ETV3: variants seen among roughly 807,000 people sequenced by gnomAD.
ETV3 encodes the protein ETS variant transcription factor 3, also known as ETS translocation variant 3.
In ETV3, 8 loss-of-function variants were observed where a neutral mutation model predicts 33.0. That is an observed-to-expected ratio of 0.24 (90% CI 0.14 to 0.44). The LOEUF (loss-of-function observed/expected upper bound fraction) is 0.44, where lower values mean the gene tolerates loss of function less well. Among genes scored for constraint, ETV3 ranks in the 20% least tolerant of loss-of-function variants. The pLI, the probability that ETV3 is intolerant of heterozygous loss-of-function variation, is 1.00. For missense variants in ETV3, 473 were observed against 652.3 expected, an observed-to-expected ratio of 0.73 and a Z score of 2.99; for synonymous variants, 222 against 238.9, an observed-to-expected ratio of 0.93 and a Z score of 0.65.
intron 3 of ETV3, among the ~76,000 whole-genome samples, chr1:157,134,592 G>A (rs1252296558): frequency 6.6e-6 from 1 of 152,164 alleles, no homozygotes; most frequent in Non-Finnish European, 1.5e-5. Context: ...TTTTGGTCTT[G>A]CCCAGGTGGG....
rs756568722 is a variant in ETV3, at chr1:157,125,596, G to C, written c.784C>G (p.Pro262Ala). 4.5e-6 allele frequency: 7 copies of C among 1,551,790 alleles called. No individual in the cohort carries two copies. The highest frequency in any genetic ancestry group is 6.1e-6 in the Non-Finnish European group (7 of 1,147,012). Residue 262 changes from proline (P) to alanine (A), a missense_variant, in exon 5 of 5, where the codon CCC (proline) becomes GCC (alanine). Around this residue, in one of 3 missense-constraint regions of ETV3, gnomAD observed 410 missense variants for 520.2 expected, o/e 0.79. Coordinates refer to ENST00000368192, the MANE Select transcript of ETV3 (RefSeq NM_001145312.3). The surrounding 1 kb of genome is among the most constrained non-coding windows in gnomAD (Gnocchi z 4.0). The part of the protein sequence containing the change: ...IPGRGGVLNV[P>A]ISPALSLTPT... ...GTCAGGGAGAGGGCTGGTGAAATGG[G>C]GACATTAAGGACACCTCCGCGGCCA...
chr1:157,134,245 C>T lies in ETV3; in HGVS notation c.285-18G>A, dbSNP rs1287446987. On this transcript the variant is annotated intron_variant, in intron 3 of 4. Coordinates refer to ENST00000368192, the MANE Select transcript of ETV3 (RefSeq NM_001145312.3). ...AATAGTATCTGTAAAAACAGGAATA[C>T]ATGTCCATTCGTCTTGTAGCTACTG... The T allele has an allele frequency of 6.2e-7, 1 of 1,608,854 alleles. No individual in the cohort carries two copies. Among genetic ancestry groups the T allele is most frequent in the Middle Eastern group, 1.7e-4 (1 of 6,022 alleles).
chr1:157,136,092 G>A (rs1207596075), intron 2 of ETV3, among the ~76,000 whole-genome samples: 1 of 152,198 alleles, frequency 6.6e-6, no homozygotes, highest in Non-Finnish European at 1.5e-5. Flanking sequence ...GTCTCTGACA[G>A]CAAAGAGACT....
At chr1:157,129,546 A>T (rs1674921974) in intron 4 of ETV3, among the ~76,000 whole-genome samples, 2 of 152,258 alleles carry the variant, frequency 1.3e-5, no homozygotes, top group African/African-American at 4.8e-5. Context: ...ACAAAATCAC[A>T]GACTGGAAAA....
At chr1:157,128,541 G>A (rs573867454) in intron 4 of ETV3, 2 of 260,732 alleles carry the variant, frequency 7.7e-6, no homozygotes, top group South Asian at 5.3e-5. Context: ...CATTACCTGG[G>A]GAGAGGATAC....
chr1:157,136,195 C>T, intron 2 of ETV3, 112 bp downstream of exon 2: 1 of 1,047,092 alleles, frequency 9.6e-7, no homozygotes, highest in South Asian at 1.3e-5. Context: ...ATCCACCTAG[C>T]CAAGAGAGTG....
rs1462814117 is a variant in ETV3, at chr1:157,124,759, C to A, written c.*82G>T. ...AATGATCAAACCAGTTTAACTCCCTCCCCCCCACCCTGAAATCTTGCTACA... is the reference window on the plus strand; with the variant it reads ...AATGATCAAACCAGTTTAACTCCCTACCCCCCACCCTGAAATCTTGCTACA... On this transcript the variant is annotated 3_prime_UTR_variant, in exon 5 of 5. Transcript: ENST00000368192. The A allele has an allele frequency of 4.8e-6, 1 of 209,926 alleles. No homozygotes were observed. The highest frequency in any genetic ancestry group is 1.0e-5 in the Non-Finnish European group (1 of 99,334). The allele number at this position is 209,926 out of a possible 1,614,324, so 13.0% of individuals were successfully genotyped here.
At chr1:157,129,664 T>G (rs953224461) in intron 4 of ETV3, among the ~76,000 whole-genome samples, 15 of 152,220 alleles carry the variant, frequency 9.9e-5, no homozygotes, top group African/African-American at 3.6e-4. Context: ...ATTCTTCTAC[T>G]AGCTTATTAC....
intron 4 of ETV3, among the ~76,000 whole-genome samples, chr1:157,129,241 G>A (rs993858679): frequency 1.3e-5 from 2 of 152,214 alleles, no homozygotes; most frequent in Non-Finnish European, 2.9e-5. Context: ...GTGGGTTTAT[G>A]TGTAATATCA....
chr1:157,121,455 C>A lies in ETV3; in HGVS notation c.*3386G>T, dbSNP rs1674709630. On this transcript the variant is annotated 3_prime_UTR_variant, in exon 5 of 5. Coordinates refer to ENST00000368192, the MANE Select transcript of ETV3 (RefSeq NM_001145312.3). ...ATATACACACTTTACTCTGCTCAAG[C>A]AGGTAACTAGTGAAGTCACCTTTCA... is the stretch of plus-strand genomic sequence containing the variant. The A allele has an allele frequency of 6.6e-6, 1 of 152,182 alleles. No individual in the cohort carries two copies. Among genetic ancestry groups the A allele is most frequent in the South Asian group, 2.1e-4 (1 of 4,836 alleles). 9.4% of individuals were successfully genotyped at this position (152,182 alleles called of 1,614,324 possible).
At chr1:157,134,361 T>G in intron 3 of ETV3, 134 bp from the exon 4 acceptor site, 1 of 1,193,398 alleles carries the variant, frequency 8.4e-7, no homozygotes, top group Non-Finnish European at 1.1e-6. Flanking sequence ...TTTCGCAGCC[T>G]GGCCCTCCAG....
At chr1:157,131,313 G>A (rs1327703557) in intron 4 of ETV3, among the ~76,000 whole-genome samples, 2 of 152,178 alleles carry the variant, frequency 1.3e-5, no homozygotes, top group Non-Finnish European at 2.9e-5. Flanking sequence ...TATACAGGAT[G>A]CTTTTCATGA....
In ETV3 at chr1:157,124,874, G is replaced by A; in HGVS notation, c.1506C>T (p.Pro502=). 1 of 1,549,178 alleles carries A rather than the reference G, an allele frequency of 6.5e-7. No individual in the cohort carries two copies. Among genetic ancestry groups the A allele is most frequent in the Non-Finnish European group, 8.7e-7 (1 of 1,145,968 alleles). Residue 502 remains proline, a synonymous_variant, in exon 5 of 5, where the codon CCC becomes CCT. Transcript: ENST00000368192. The part of the protein sequence containing the change: ...SGKFLWNGSG[P]QGLATAAADA ...CAGCAGCTGCTGTTGCCAAGCCCTG[G>A]GGTCCTGACCCATTCCAGAGAAACT...
Position 157,128,208 on chromosome 1 carries a change from A to G in ETV3, c.401-2229T>C, listed in dbSNP as rs528319285. 8.5e-4 allele frequency among the ~76,000 whole-genome samples: 129 copies of G among 151,978 alleles called. No individual in the cohort carries two copies. The Middle Eastern group carries it at 0.017, about 20-fold the overall frequency. ...GCTTTCTGGGTGCATGGGACTGAGT[A>G]ACACTATGCCAGAGCCTCATTTCCC... On this transcript the variant is annotated intron_variant, in intron 4 of 4. Coordinates refer to ENST00000368192, the MANE Select transcript of ETV3 (RefSeq NM_001145312.3).
rs1022227909 is a variant in ETV3 at position 157,135,031 on chromosome 1, T to C, written c.284+440A>G. ...TGAGCTCACAGACACAGTTCCGGAA[T>C]AGATAGGTCAGTATCACTGAATCTT... On this transcript the variant is annotated intron_variant, in intron 3 of 4. Coordinates refer to ENST00000368192, the MANE Select transcript of ETV3 (RefSeq NM_001145312.3). The C allele has an allele frequency of 1.9e-4, 37 of 193,762 alleles. 2 individuals are homozygous for C. Among genetic ancestry groups the C allele is most frequent in the Middle Eastern group, 4.2e-3 (2 of 478 alleles). The allele number at this position is 193,762 out of a possible 1,614,324, so 12.0% of individuals were successfully genotyped here.
intron 3 of ETV3, chr1:157,135,021 A>T (rs1675064328): frequency 5.4e-6 from 1 of 183,806 alleles, no homozygotes; most frequent in Admixed American, 5.3e-5. Context: ...TCACAGACAC[A>T]GTTCCGGAAT....
rs925045076 is a variant in ETV3 at position 157,125,291 on chromosome 1, C to T, written c.1089G>A (p.Glu363=). The T allele has an allele frequency of 3.2e-6, 5 of 1,551,944 alleles. No individual in the cohort carries two copies. The African/African-American group carries it at 5.5e-5, about 17-fold the overall frequency. The change falls in exon 5 of 5, where the codon GAG becomes GAA. Residue 363 remains glutamate, a synonymous_variant. Coordinates refer to ENST00000368192, the MANE Select transcript of ETV3 (RefSeq NM_001145312.3). The surrounding 1 kb of genome is among the most constrained non-coding windows in gnomAD (Gnocchi z 4.0). The part of the protein sequence containing the change: ...RKNRERVESS[E]ESAPVTTPTM... ...TGGGCGTGGTGACTGGTGCTGACTC[C>T]TCGCTGCTCTCAACCCTCTCCCGGT... is the stretch of plus-strand genomic sequence containing the variant.
At chr1:157,134,754 C>T (rs541193855) in intron 3 of ETV3, among the ~76,000 whole-genome samples, 15 of 152,204 alleles carry the variant, frequency 9.9e-5, no homozygotes, top group Admixed American at 2.6e-4. Flanking sequence ...CCCGCCTCAC[C>T]TTCAAAGACT....
chr1:157,128,340 G>T, intron 4 of ETV3: 1 of 170,992 alleles, frequency 5.8e-6, no homozygotes, highest in Admixed American at 5.8e-5. Flanking sequence ...CATATTGCCA[G>T]TGATGAAAGA....
Sources: gnomAD v4.1 joint callset for allele counts (sites outside exome capture counted in the v4.1 genomes callset) on GRCh38, gnomAD v4.1.1 for gene constraint, gnomAD v4.1.1 regional missense constraint, Gnocchi (gnomAD v3.1) non-coding constraint, MANE v1.5 for transcripts, NCBI Gene and HGNC (gene_info 2026-07-23, HGNC 2026-07-21) for gene names.